Variants in HMCN2 observed in about 807,000 individuals in gnomAD.
HMCN2 encodes hemicentin 2, also known as hemicentin-2.
A neutral mutation model predicts 377.5 loss-of-function variants in HMCN2; 325 were observed. That is an observed-to-expected ratio of 0.86 (90% CI 0.79 to 0.94). The LOEUF is 0.94. Ranked by LOEUF, HMCN2 falls within the 40% of genes least tolerant of loss-of-function variation. HMCN2 has a pLI of 0.00. For missense variants in HMCN2, 4,543 were observed against 4,725.3 expected, an observed-to-expected ratio of 0.96 and a Z score of 1.13; for synonymous variants, 2,007 against 2,046.8, an observed-to-expected ratio of 0.98 and a Z score of 0.53.
At chr9:130,321,000 C>T (rs1174558473) in intron 18 of HMCN2, 97 bp downstream of exon 18, 5 of 152,278 alleles carry the variant, frequency 3.3e-5, no homozygotes, top group Admixed American at 6.5e-5. Context: ...GCTGTTTCCC[C>T]GCCTGGGAGT....
chr9:130,303,456 T>C lies in HMCN2; in HGVS notation c.1422-31T>C. The C allele has an allele frequency of 4.6e-6, 2 of 430,278 alleles. No individual in the cohort carries two copies. Among genetic ancestry groups the C allele is most frequent in the South Asian group, 1.7e-5 (1 of 59,896 alleles). 26.7% of individuals were successfully genotyped at this position (430,278 alleles called of 1,614,324 possible). ...GGACCCTGAGTGGGGGTCAGTGTGA[T>C]TGTGTGTCTCCCACTGTTCCCTGTT... On this transcript the variant is annotated intron_variant, in intron 9 of 97. Transcript: ENST00000683500. This position sits in a 1 kb window ranked among gnomAD's most constrained non-coding sequence, Gnocchi z 5.2.
At chr9:130,379,503 G>C in intron 54 of HMCN2, 36 bp downstream of exon 54, 5 of 937,486 alleles carry the variant, frequency 5.3e-6, no homozygotes, top group Non-Finnish European at 6.4e-6. Context: ...TGGGCGCTTT[G>C]AGCTCTCCTG....
chr9:130,375,462 A>T (rs1016568658), intron 49 of HMCN2, 101 bp from the exon 50 acceptor site: 17 of 597,936 alleles, frequency 2.8e-5, no homozygotes, highest in Non-Finnish European at 3.4e-5. Context: ...TGTAACTGAC[A>T]GAAGTACCGA....
In HMCN2 at chr9:130,395,083, G is replaced by A. The variant is rs1336465312; in HGVS notation, c.10749G>A (p.Glu3583=). ...CTGAAAGCCCTGCAGGTGCAATTGA[G>A]AAGAGCTTCCGGGTCAGGGTTCAAG... is the stretch of plus-strand genomic sequence containing the variant. ...CLAESPAGAI[E]KSFRVRVQAP... The change falls in exon 70 of 98, where the codon GAG becomes GAA. Residue 3583 remains glutamate (E), a synonymous_variant. Coordinates refer to ENST00000683500, the MANE Select transcript of HMCN2 (RefSeq NM_001291815.2). 7.9e-7 allele frequency: 1 copy of A among 1,263,292 alleles called. No individual in the cohort carries two copies. Among genetic ancestry groups the A allele is most frequent in the Non-Finnish European group, 1.0e-6 (1 of 982,328 alleles). The allele number at this position is 1,263,292 out of a possible 1,614,324, so 78.3% of individuals were successfully genotyped here.
intron 45 of HMCN2, among the ~76,000 whole-genome samples, 151 bp downstream of exon 45, chr9:130,370,002 G>T (rs1291751588): frequency 6.6e-6 from 1 of 152,066 alleles, no homozygotes; most frequent in African/African-American, 2.4e-5. Flanking sequence ...TGCTGGTGGG[G>T]GGAGCCACCA....
chr9:130,353,279 C>T (rs1177069488), intron 31 of HMCN2, 74 bp downstream of exon 31: 68 of 1,246,168 alleles, frequency 5.5e-5, no homozygotes, highest in Non-Finnish European at 7.0e-5. Flanking sequence ...CTGCCTGTCT[C>T]CAAAGGAAGG....
chr9:130,363,605 T>C (rs977164900), intron 40 of HMCN2, among the ~76,000 whole-genome samples: 44 of 151,952 alleles, frequency 2.9e-4, no homozygotes, highest in African/African-American at 1.0e-3. Context: ...GTGGATCACT[T>C]GAGGTCAGGA....
In HMCN2 at chr9:130,349,099, C is replaced by G. The variant is rs1839553919; in HGVS notation, c.4271C>G (p.Thr1424Ser). 2.3e-6 allele frequency: 3 copies of G among 1,304,228 alleles called. No individual in the cohort carries two copies. The highest frequency in any genetic ancestry group is 3.0e-6 in the Non-Finnish European group (3 of 988,924). 80.8% of individuals were successfully genotyped at this position (1,304,228 alleles called of 1,614,324 possible). The change falls in exon 28 of 98, where the codon ACC becomes AGC. Residue 1424 changes from threonine (T) to serine (S), a missense_variant. Physicochemically the swap from Thr to Ser is moderately conservative, Grantham distance 58. This residue lies in a region of HMCN2 where 1,032 missense variants were observed against 1,285.1 expected (regional missense o/e 0.80). Coordinates refer to ENST00000683500, the MANE Select transcript of HMCN2 (RefSeq NM_001291815.2). ...YSCRAENQAGTAQRDFHLLVL... is the reference protein window; with the variant it reads ...YSCRAENQAGSAQRDFHLLVL... ...TGCCGGGCAGAGAACCAGGCTGGCA[C>G]CGCCCAGAGGGACTTCCATCTCCTT...
intron 94 of HMCN2, chr9:130,429,911 C>T (rs1477457680): frequency 3.7e-6 from 3 of 806,290 alleles, no homozygotes; most frequent in Admixed American, 6.5e-5. Context: ...GCACCAAAAC[C>T]TCAGCCTGAC....
At chr9:130,406,311 C>G in intron 82 of HMCN2, 143 bp downstream of exon 82, 1 of 622,204 alleles carries the variant, frequency 1.6e-6, no homozygotes. Flanking sequence ...CAACGTGGCC[C>G]TATGTAGGGG....
At chr9:130,350,736 T>A (rs112490871) in intron 29 of HMCN2, among the ~76,000 whole-genome samples, 8,525 of 75,842 alleles carry the variant, frequency 0.11, 258 homozygotes, top group African/African-American at 0.14. Context: ...AATACAAAAA[T>A]ATATATATAT....
chr9:130,410,765 A>C, intron 85 of HMCN2, 113 bp downstream of exon 85: 1 of 857,034 alleles, frequency 1.2e-6, no homozygotes, highest in Non-Finnish European at 1.9e-6. Context: ...TCTTTCATTA[A>C]TACTTACTTG....
chr9:130,366,074 C>T, intron 43 of HMCN2, 79 bp downstream of exon 43: 2 of 963,978 alleles, frequency 2.1e-6, no homozygotes, highest in Non-Finnish European at 2.5e-6. Context: ...TGGTTACCCC[C>T]ACCCCAGAGC....
chr9:130,292,986 C>G (rs1298705529), intron 4 of HMCN2, among the ~76,000 whole-genome samples: 1 of 145,274 alleles, frequency 6.9e-6, no homozygotes, highest in Non-Finnish European at 1.5e-5. Context: ...ATCTATCTAT[C>G]TATCTATCTA....
chr9:130,405,468 G>T (rs1199083285), intron 81 of HMCN2, among the ~76,000 whole-genome samples: 1 of 152,156 alleles, frequency 6.6e-6, no homozygotes, highest in Non-Finnish European at 1.5e-5. Flanking sequence ...ATCAGATTCT[G>T]CAATTTTATG....
At chr9:130,291,793 C>T (rs1554930139) in intron 4 of HMCN2, among the ~76,000 whole-genome samples, 1 of 152,152 alleles carries the variant, frequency 6.6e-6, no homozygotes, top group Non-Finnish European at 1.5e-5. Context: ...ATACATAGCC[C>T]ATGTTCAGAT....
In HMCN2 at chr9:130,375,616, G is replaced by A. The variant is rs1038116057; in HGVS notation, c.7684G>A (p.Val2562Met). ...GGACAGTGCAGATGAGGAGGTGACC[G>A]TGACTGTCAACAACCCCATCTCTCT... ...AEDSADEEVT[V>M]TVNNPISLIC... The change falls in exon 50 of 98, where the codon GTG becomes ATG. Residue 2562 changes from valine to methionine, a missense_variant. Physicochemically the swap from Val to Met is conservative, Grantham distance 21 (BLOSUM62 1). Coordinates refer to ENST00000683500, the MANE Select transcript of HMCN2 (RefSeq NM_001291815.2). The A allele has an allele frequency of 2.5e-5, 25 of 985,696 alleles. No individual in the cohort carries two copies. The highest frequency in any genetic ancestry group is 2.5e-4 in the Admixed American group (4 of 16,264). 61.1% of individuals were successfully genotyped at this position (985,696 alleles called of 1,614,324 possible). A position where few individuals can be genotyped will look rare whatever the true frequency, so the allele number is the denominator to read the frequency against.
intron 89 of HMCN2, 125 bp from the exon 90 acceptor site, chr9:130,425,562 T>C (rs892401576): frequency 4.2e-6 from 3 of 707,274 alleles, no homozygotes; most frequent in African/African-American, 3.5e-5. Flanking sequence ...GCCCCTGAGT[T>C]GGGGTAAGGG....
At chr9:130,373,733 G>GATGGATGGATGGATGGATGGA (rs1564828411) in intron 48 of HMCN2, among the ~76,000 whole-genome samples, 4 of 21,266 alleles carry the variant, frequency 1.9e-4, no homozygotes, top group South Asian at 2.6e-3. Flanking sequence ...GGATGGATAG[G>GATGGATGGATGGATGGATGGA]TAGGTGGATG....
Sources: gnomAD v4.1 joint callset for allele counts (sites outside exome capture counted in the v4.1 genomes callset) on GRCh38, gnomAD v4.1.1 for gene constraint, gnomAD v4.1.1 regional missense constraint, Gnocchi (gnomAD v3.1) non-coding constraint, MANE v1.5 for transcripts, NCBI Gene and HGNC (gene_info 2026-07-23, HGNC 2026-07-21) for gene names.